Variants in DTNB observed in about 807,000 individuals in gnomAD.
The protein encoded by DTNB is DTN-B.
A neutral mutation model predicts 90.7 loss-of-function variants in DTNB; 63 were observed. The ratio of observed to expected loss-of-function variants is 0.69; its 90% CI spans 0.57 to 0.86. DTNB has a LOEUF of 0.86. Among genes scored for constraint, DTNB ranks in the 40% least tolerant of loss-of-function variants. The pLI, the probability that DTNB is intolerant of heterozygous loss-of-function variation, is 0.00. For missense variants in DTNB, 744 were observed against 807.1 expected (o/e 0.92, Z 0.95); for synonymous variants, 277 against 286.7 (o/e 0.97, Z 0.34).
intron 8 of DTNB, among the ~76,000 whole-genome samples, chr2:25,555,768 T>C (rs12473635): frequency 0.33 from 49,580 of 151,932 alleles, 9,798 homozygotes; most frequent in African/African-American, 0.55. Context: ...GTAATCCCAG[T>C]CCTTTGGGAG....
chr2:25,490,066 A>T (rs2150449928), intron 9 of DTNB, among the ~76,000 whole-genome samples: 1 of 152,380 alleles, frequency 6.6e-6, no homozygotes, highest in South Asian at 2.1e-4. Flanking sequence ...GCTTGAGCCC[A>T]GGAGTTCGAG....
chr2:25,611,275 A>G (rs899306958), intron 4 of DTNB, among the ~76,000 whole-genome samples: 1 of 152,232 alleles, frequency 6.6e-6, no homozygotes, highest in Admixed American at 6.5e-5. Context: ...GAGCAGGACA[A>G]ACAAAACATG....
At chr2:25,466,426 C>A (rs544008136) in intron 10 of DTNB, among the ~76,000 whole-genome samples, 2 of 152,290 alleles carry the variant, frequency 1.3e-5, no homozygotes, top group Admixed American at 1.3e-4. Context: ...TGACCCTGAA[C>A]CCAGGCCTAG....
chr2:25,496,619 G>A (rs192837400), intron 9 of DTNB, among the ~76,000 whole-genome samples: 4 of 152,182 alleles, frequency 2.6e-5, no homozygotes, highest in East Asian at 1.9e-4. Flanking sequence ...TGAGGCAGGC[G>A]GATCACCTGA....
At chr2:25,532,117 A>G (rs755035037) in intron 8 of DTNB, among the ~76,000 whole-genome samples, 3 of 152,020 alleles carry the variant, frequency 2.0e-5, no homozygotes, top group Non-Finnish European at 2.9e-5. Context: ...ATGGTGGTGC[A>G]TGCCTGTAAT....
chr2:25,482,774 C>T lies in DTNB; in HGVS notation c.1079+22G>A, dbSNP rs1320758059. ...CAGTAGCAGAGGCCAACACCCAAGT[C>T]GAAGGCACAAGACATACGTACCTCT... On this transcript the variant is annotated intron_variant, in intron 10 of 20. Transcript: ENST00000406818. The T allele has an allele frequency of 5.0e-6, 8 of 1,612,498 alleles. No individual in the cohort carries two copies. In the Admixed American group the frequency reaches 5.0e-5, roughly 10 times the overall value.
chr2:25,406,256 T>A (rs1573945746), intron 16 of DTNB, among the ~76,000 whole-genome samples: 1 of 152,106 alleles, frequency 6.6e-6, no homozygotes, highest in Non-Finnish European at 1.5e-5. Flanking sequence ...GGGGCAATTT[T>A]ACCTGCTAGG....
chr2:25,491,158 G>GACACACACACACACAC (rs59803099), intron 9 of DTNB, among the ~76,000 whole-genome samples: 6 of 150,628 alleles, frequency 4.0e-5, no homozygotes, highest in African/African-American at 9.8e-5. Context: ...CACACACACA[G>GACACACACACACACAC]ACACACACAC....
At chr2:25,512,068 C>T (rs1284481696) in intron 9 of DTNB, among the ~76,000 whole-genome samples, 2 of 152,000 alleles carry the variant, frequency 1.3e-5, no homozygotes, top group Non-Finnish European at 2.9e-5. Flanking sequence ...AGGATTATTC[C>T]ATTAACATGA....
intron 5 of DTNB, among the ~76,000 whole-genome samples, chr2:25,604,546 T>A (rs969278057): frequency 6.6e-6 from 1 of 151,952 alleles, no homozygotes; most frequent in African/African-American, 2.4e-5. Context: ...AGCTGGGACC[T>A]CAGGTATGTA....
chr2:25,551,840 C>T (rs1243039632), intron 8 of DTNB, among the ~76,000 whole-genome samples: 3 of 152,188 alleles, frequency 2.0e-5, no homozygotes, highest in Non-Finnish European at 2.9e-5. Flanking sequence ...ACTCCTCAAT[C>T]CATCCTCTAC....
intron 16 of DTNB, among the ~76,000 whole-genome samples, chr2:25,410,889 T>C (rs1421515199): frequency 2.0e-5 from 3 of 152,174 alleles, no homozygotes; most frequent in Admixed American, 6.5e-5. Flanking sequence ...CTGCTTATGT[T>C]ACTTTAATGT....
At chr2:25,529,327 G>C (rs2077711374) in intron 9 of DTNB, among the ~76,000 whole-genome samples, 1 of 152,072 alleles carries the variant, frequency 6.6e-6, no homozygotes, top group Non-Finnish European at 1.5e-5. Flanking sequence ...GGCTGGGGAA[G>C]AGAACTGGAT....
chr2:25,552,841 ATTTTTTT>A (rs544243784), intron 8 of DTNB, among the ~76,000 whole-genome samples: 19 of 86,034 alleles, frequency 2.2e-4, no homozygotes, highest in African/African-American at 5.5e-4. Context: ...TCTCTTTTTG[ATTTTTTT>A]TTTTTTTTTT....
chr2:25,451,024 T>C (rs1477891362), intron 12 of DTNB, among the ~76,000 whole-genome samples: 1 of 152,168 alleles, frequency 6.6e-6, no homozygotes, highest in Non-Finnish European at 1.5e-5. Context: ...GAGGGTGGTC[T>C]CAAACTCCTG....
chr2:25,577,740 C>T (rs58023977), intron 7 of DTNB, among the ~76,000 whole-genome samples: 5,471 of 152,128 alleles, frequency 0.036, 305 homozygotes, highest in African/African-American at 0.12. Context: ...TGGTGGCTCA[C>T]GCCTGTAATC....
intron 6 of DTNB, among the ~76,000 whole-genome samples, chr2:25,588,802 C>T (rs746732886): frequency 2.0e-5 from 3 of 152,308 alleles, no homozygotes; most frequent in African/African-American, 7.2e-5. Context: ...GCCTAACCAA[C>T]TGCAATTGTG....
At chr2:25,613,814 C>T (rs932440319) in intron 4 of DTNB, among the ~76,000 whole-genome samples, 2 of 152,044 alleles carry the variant, frequency 1.3e-5, no homozygotes, top group East Asian at 3.9e-4. Context: ...AAAAATTAGC[C>T]GGGCGTGGTG....
At chr2:25,478,345 G>C (rs946630673) in intron 10 of DTNB, among the ~76,000 whole-genome samples, 2 of 152,194 alleles carry the variant, frequency 1.3e-5, no homozygotes, top group Non-Finnish European at 2.9e-5. Flanking sequence ...AAGTGCGAGA[G>C]CGTCGGCAGT....
Sources: allele counts gnomAD v4.1 joint callset (sites outside exome capture counted in the v4.1 genomes callset), GRCh38; gene constraint gnomAD v4.1.1; transcripts MANE v1.5; gene names NCBI Gene and HGNC (gene_info 2026-07-23, HGNC 2026-07-21).